The following PTPRN2 variants were observed in gnomAD, a reference collection of about 807,000 sequenced individuals.
PTPRN2 encodes receptor-type tyrosine-protein phosphatase N2.
Under a neutral mutation model 118.8 loss-of-function variants are expected in PTPRN2, and 74 were observed. The observed-to-expected ratio is 0.62, with a 90% CI of 0.52 to 0.76. PTPRN2 has a LOEUF of 0.76. PTPRN2 is among the 30% of genes least tolerant of loss of function. PTPRN2 has a pLI of 0.00. For missense variants in PTPRN2, 1,481 were observed against 1,394.4 expected (o/e 1.06, Z -0.99); for synonymous variants, 641 against 608.0 (o/e 1.05, Z -0.80).
rs11980111 is a variant in PTPRN2, at chr7:158,252,051, G to T, written c.278-46778C>A. 3.1e-3 allele frequency among the ~76,000 whole-genome samples: 466 copies of T among 152,258 alleles called. 3 individuals carry two copies. The highest frequency in any genetic ancestry group is 0.011 in the African/African-American group (446 of 41,544). Reference sequence around the variant, plus strand: ...GGCCTCCTCATCGTCTGTGGGACACGCCCATTTTACCAGAAACACAAAGTT... The same window carrying T: ...GGCCTCCTCATCGTCTGTGGGACACTCCCATTTTACCAGAAACACAAAGTT... On this transcript the variant is annotated intron_variant, in intron 3 of 22. Transcript: ENST00000389418.
chr7:157,943,168 C>T (rs189457939), intron 11 of PTPRN2, among the ~76,000 whole-genome samples: 3 of 152,226 alleles, frequency 2.0e-5, no homozygotes, highest in African/African-American at 7.2e-5. Flanking sequence ...GAACACACAA[C>T]ACACATTCCA....
Position 157,785,217 on chromosome 7 carries a change from C to T in PTPRN2, c.1789-102280G>A, listed in dbSNP as rs1803953255. 6.6e-6 allele frequency among the ~76,000 whole-genome samples: 1 copy of T among 151,864 alleles called. No individual in the cohort carries two copies. Among genetic ancestry groups the T allele is most frequent in the Non-Finnish European group, 1.5e-5 (1 of 68,006 alleles). On this transcript the variant is annotated intron_variant, in intron 12 of 22. Coordinates refer to ENST00000389418, the MANE Select transcript of PTPRN2 (RefSeq NM_002847.5). This position sits in a 1 kb window ranked among gnomAD's most constrained non-coding sequence, Gnocchi z 7.3. ...AGGATAACCCGGGCCCACGTGGGGA[C>T]ACGCCCCGCCCCACAGGCTTGCACC...
chr7:158,428,478 G>C (rs73522503), intron 2 of PTPRN2, among the ~76,000 whole-genome samples: 4,378 of 152,302 alleles, frequency 0.029, 198 homozygotes, highest in African/African-American at 0.099. Flanking sequence ...GGAAACGGCT[G>C]CTGGCATTGG....
At chr7:158,237,829 T>A (rs1429426546) in intron 3 of PTPRN2, among the ~76,000 whole-genome samples, 1 of 152,026 alleles carries the variant, frequency 6.6e-6, no homozygotes, top group East Asian at 1.9e-4. Context: ...CTCCCCCTCT[T>A]TCTGAACACC....
intron 4 of PTPRN2, among the ~76,000 whole-genome samples, chr7:158,197,869 AC>A (rs1272586154): frequency 1.3e-5 from 2 of 152,188 alleles, no homozygotes; most frequent in Non-Finnish European, 2.9e-5. Context: ...CTCCCATGAC[AC>A]GTGCAGATTA....
intron 21 of PTPRN2, among the ~76,000 whole-genome samples, chr7:157,565,907 G>A (rs548886074): frequency 2.6e-5 from 4 of 152,316 alleles, no homozygotes; most frequent in South Asian, 2.1e-4. Flanking sequence ...ACGTGTAAGC[G>A]CTTCCCAGAT....
Position 158,570,241 on chromosome 7 carries a change from G to GCCAAGGGCCCTCGGTCCTCGC in PTPRN2, c.112+17316_112+17317insGCGAGGACCGAGGGCCCTTGG, listed in dbSNP as rs1827931668. Among the ~76,000 whole-genome samples the GCCAAGGGCCCTCGGTCCTCGC allele has an allele frequency of 6.6e-6, 1 of 152,340 alleles. No individual in the cohort carries two copies. Among genetic ancestry groups the GCCAAGGGCCCTCGGTCCTCGC allele is most frequent in the African/African-American group, 2.4e-5 (1 of 41,582 alleles). On this transcript the variant is annotated intron_variant, in intron 1 of 22. Transcript: ENST00000389418. This position sits in a 1 kb window ranked among gnomAD's most constrained non-coding sequence, Gnocchi z 4.5. ...GTGTCCTTCTGGAGGCCGCTCCTTG[G>GCCAAGGGCCCTCGGTCCTCGC]CCATGGGCCCTCGGTCCTCGCCCTG...
At chr7:158,417,279 C>T (rs1814754867) in intron 2 of PTPRN2, among the ~76,000 whole-genome samples, 1 of 151,972 alleles carries the variant, frequency 6.6e-6, no homozygotes, top group African/African-American at 2.4e-5. Flanking sequence ...CATCGAGATG[C>T]TGAAGCTTTC....
At chr7:157,939,267 T>C (rs1429908352) in intron 11 of PTPRN2, among the ~76,000 whole-genome samples, 2 of 152,176 alleles carry the variant, frequency 1.3e-5, no homozygotes, top group South Asian at 2.1e-4. Context: ...TGAATTACAA[T>C]AAGATAAAAT....
intron 11 of PTPRN2, among the ~76,000 whole-genome samples, chr7:157,951,883 C>A (rs1210009130): frequency 6.6e-6 from 1 of 152,158 alleles, no homozygotes; most frequent in Non-Finnish European, 1.5e-5. Flanking sequence ...CTGGCTGCCC[C>A]CCTCTCTTCA....
At chr7:158,280,927 C>T (rs987568511) in intron 3 of PTPRN2, among the ~76,000 whole-genome samples, 4 of 152,234 alleles carry the variant, frequency 2.6e-5, no homozygotes, top group Admixed American at 6.5e-5. Flanking sequence ...CACGGCTACA[C>T]GGTGCTCTGG....
chr7:157,956,214 A>G (rs1270135343), intron 11 of PTPRN2, among the ~76,000 whole-genome samples: 2 of 152,210 alleles, frequency 1.3e-5, no homozygotes, highest in Non-Finnish European at 2.9e-5. Flanking sequence ...CAGGGCTGTG[A>G]GGGAGCAGAA....
intron 3 of PTPRN2, among the ~76,000 whole-genome samples, chr7:158,223,820 G>A (rs775290781): frequency 7.9e-5 from 12 of 151,794 alleles, no homozygotes; most frequent in Non-Finnish European, 1.3e-4. Flanking sequence ...CAGTGCAATA[G>A]GGCAAGATAA....
At chr7:157,876,384 G>A (rs1033350062) in intron 12 of PTPRN2, among the ~76,000 whole-genome samples, 3 of 152,218 alleles carry the variant, frequency 2.0e-5, no homozygotes, top group African/African-American at 7.2e-5. Context: ...GACAGAGTCT[G>A]TCACCAGAGC....
intron 1 of PTPRN2, among the ~76,000 whole-genome samples, chr7:158,548,352 C>T (rs764528357): frequency 5.3e-5 from 8 of 152,336 alleles, no homozygotes; most frequent in East Asian, 1.9e-4. Context: ...GCACTGCCAC[C>T]GAGGTCACTG....
intron 2 of PTPRN2, among the ~76,000 whole-genome samples, chr7:158,371,863 C>T (rs1333510296): frequency 1.3e-5 from 2 of 152,196 alleles, no homozygotes; most frequent in African/African-American, 2.4e-5. Context: ...AGATATAGTA[C>T]TTATTGAGAA....
chr7:158,128,258 C>T (rs1279980069), intron 9 of PTPRN2, among the ~76,000 whole-genome samples: 4 of 152,222 alleles, frequency 2.6e-5, no homozygotes, highest in Admixed American at 2.6e-4. Context: ...ACCTCAATCT[C>T]CTTGCAAGAA....
At position 158,513,764 on chromosome 7, in the gene PTPRN2, C is replaced by T. The variant is rs372584951; in HGVS notation, c.113-23979G>A. 1.1e-4 allele frequency among the ~76,000 whole-genome samples: 17 copies of T among 152,286 alleles called. No homozygotes were observed. The East Asian group carries it at 1.7e-3, about 16-fold the overall frequency. On this transcript the variant is annotated intron_variant, in intron 1 of 22. Coordinates refer to ENST00000389418, the MANE Select transcript of PTPRN2 (RefSeq NM_002847.5). ...TAAATGTGGAAGATAGAAAAGGCAG[C>T]CCCGAAACTTACCAGTGGTCATTTG...
At chr7:158,098,509 A>C (rs141260176) in intron 10 of PTPRN2, among the ~76,000 whole-genome samples, 1,932 of 152,310 alleles carry the variant, frequency 0.013, 45 homozygotes, top group African/African-American at 0.044. Flanking sequence ...GTCCGTGCTC[A>C]GAATCCGTCT....
Sources: allele counts gnomAD v4.1 joint callset (sites outside exome capture counted in the v4.1 genomes callset), GRCh38; gene constraint gnomAD v4.1.1; non-coding constraint Gnocchi (gnomAD v3.1); transcripts MANE v1.5; gene names NCBI Gene and HGNC (gene_info 2026-07-23, HGNC 2026-07-21).